KCNN2: variants seen among roughly 807,000 people sequenced by gnomAD.
The protein encoded by KCNN2 is small conductance calcium-activated potassium channel protein 2.
In KCNN2, 24 loss-of-function variants were observed where a neutral mutation model predicts 55.5. The ratio of observed to expected loss-of-function variants is 0.43; its 90% CI spans 0.31 to 0.61. The LOEUF (loss-of-function observed/expected upper bound fraction) is 0.61. Ranked by LOEUF, KCNN2 falls within the 20% of genes least tolerant of loss-of-function variation. The probability of loss-of-function intolerance (pLI) is 0.08; values close to 1 mark genes in which losing one functional copy is unlikely to be tolerated. For synonymous variants in KCNN2, 431 were observed against 336.1 expected, an observed-to-expected ratio of 1.28 and a Z score of -3.09; for missense variants, 754 against 853.6, an observed-to-expected ratio of 0.88 and a Z score of 1.45.
intron 2 of KCNN2, among the ~76,000 whole-genome samples, chr5:114,366,732 C>G (rs937013461): frequency 6.6e-6 from 1 of 152,160 alleles, no homozygotes; most frequent in South Asian, 2.1e-4. Flanking sequence ...ATTGATGTCA[C>G]TGCTGTGGGT....
intron 1 of KCNN2, among the ~76,000 whole-genome samples, chr5:114,079,868 A>T (rs2112538681): frequency 6.6e-6 from 1 of 151,392 alleles, no homozygotes; most frequent in Non-Finnish European, 1.5e-5. Flanking sequence ...AGAGAGAGAG[A>T]CAGAGAGACA....
At chr5:114,112,409 A>G (rs549142679) in intron 1 of KCNN2, among the ~76,000 whole-genome samples, 2 of 152,314 alleles carry the variant, frequency 1.3e-5, no homozygotes, top group East Asian at 1.9e-4. Context: ...GCAAACCAAC[A>G]TGGTGCATAT....
chr5:114,097,646 A>G (rs1046722289), intron 1 of KCNN2, among the ~76,000 whole-genome samples: 1 of 152,084 alleles, frequency 6.6e-6, no homozygotes, highest in African/African-American at 2.4e-5. Flanking sequence ...TTTTGCTCTT[A>G]TTTTCTTCAG....
At chr5:114,431,887 C>T (rs905056211) in intron 3 of KCNN2, among the ~76,000 whole-genome samples, 1 of 152,068 alleles carries the variant, frequency 6.6e-6, no homozygotes, top group South Asian at 2.1e-4. Flanking sequence ...TTGAGATTTT[C>T]CAGTTATCTT....
At chr5:114,400,240 A>G (rs1199833611) in intron 2 of KCNN2, among the ~76,000 whole-genome samples, 1 of 152,112 alleles carries the variant, frequency 6.6e-6, no homozygotes, top group African/African-American at 2.4e-5. Flanking sequence ...ACTTTTTCAC[A>G]TGGGCATTTA....
At chr5:114,432,946 C>G (rs921957355) in intron 3 of KCNN2, among the ~76,000 whole-genome samples, 4 of 152,202 alleles carry the variant, frequency 2.6e-5, no homozygotes, top group Non-Finnish European at 5.9e-5. Context: ...CTGCAGCCCG[C>G]CATGCCTGAA....
chr5:114,422,488 A>G (rs1759499749), intron 3 of KCNN2, among the ~76,000 whole-genome samples: 1 of 152,164 alleles, frequency 6.6e-6, no homozygotes, highest in Non-Finnish European at 1.5e-5. Flanking sequence ...GAACTGTGAG[A>G]AATAAATGTC....
intron 4 of KCNN2, among the ~76,000 whole-genome samples, chr5:114,464,367 A>G (rs55795931): frequency 0.02 from 2,997 of 152,326 alleles, 47 homozygotes; most frequent in Non-Finnish European, 0.031. Context: ...TTCTGTCTAC[A>G]TGAGGATGTG....
chr5:114,285,776 A>G (rs1755732742), intron 2 of KCNN2, among the ~76,000 whole-genome samples: 1 of 152,190 alleles, frequency 6.6e-6, no homozygotes, highest in Non-Finnish European at 1.5e-5. Flanking sequence ...GCTGAAATGG[A>G]TCTAAAAATT....
intron 2 of KCNN2, among the ~76,000 whole-genome samples, chr5:114,371,231 A>G (rs1473990947): frequency 6.6e-6 from 1 of 152,194 alleles, no homozygotes; most frequent in East Asian, 1.9e-4. Flanking sequence ...AATTATGCTG[A>G]TTGTATATGA....
intron 2 of KCNN2, among the ~76,000 whole-genome samples, chr5:114,248,218 A>G (rs1343710199): frequency 6.6e-6 from 1 of 152,218 alleles, no homozygotes; most frequent in African/African-American, 2.4e-5. Flanking sequence ...TGATTCAAAT[A>G]CGCATTATTT....
At chr5:114,254,879 C>A (rs1421946487) in intron 2 of KCNN2, among the ~76,000 whole-genome samples, 1 of 152,064 alleles carries the variant, frequency 6.6e-6, no homozygotes, top group Non-Finnish European at 1.5e-5. Context: ...CTCTAGAAAA[C>A]CTGTACATAA....
chr5:114,074,183 A>T (rs753211549), intron 1 of KCNN2, among the ~76,000 whole-genome samples: 10 of 152,158 alleles, frequency 6.6e-5, no homozygotes, highest in Non-Finnish European at 1.5e-5. Context: ...CTGGGCATCT[A>T]TGTTGATGGG....
At chr5:114,324,149 C>T (rs967677059) in intron 2 of KCNN2, among the ~76,000 whole-genome samples, 1 of 152,014 alleles carries the variant, frequency 6.6e-6, no homozygotes, top group Non-Finnish European at 1.5e-5. Flanking sequence ...TAAAGAATAA[C>T]TTTTATTAGG....
At chr5:114,058,839 G>A (rs1478704290) in intron 1 of KCNN2, among the ~76,000 whole-genome samples, 1 of 152,098 alleles carries the variant, frequency 6.6e-6, no homozygotes, top group Non-Finnish European at 1.5e-5. Context: ...CTGGACTATC[G>A]GAGGGGCATT....
intron 3 of KCNN2, among the ~76,000 whole-genome samples, chr5:114,458,585 A>G (rs1473153351): frequency 6.6e-6 from 1 of 152,250 alleles, no homozygotes; most frequent in Admixed American, 6.5e-5. Flanking sequence ...ATCTGTGACT[A>G]TACAACAATG....
chr5:114,416,097 A>C (rs1456035709), intron 3 of KCNN2, among the ~76,000 whole-genome samples: 1 of 152,192 alleles, frequency 6.6e-6, no homozygotes, highest in Non-Finnish European at 1.5e-5. Context: ...AAGAGCAAAA[A>C]AAGACTGTTT....
chr5:114,151,236 G>C (rs1035588735), intron 1 of KCNN2, among the ~76,000 whole-genome samples: 67 of 152,188 alleles, frequency 4.4e-4, no homozygotes, highest in African/African-American at 1.6e-3. Flanking sequence ...AAATCACAGA[G>C]CTTAAGGGAT....
At chr5:114,431,291 C>CT (rs1477424021) in intron 3 of KCNN2, among the ~76,000 whole-genome samples, 3 of 151,174 alleles carry the variant, frequency 2.0e-5, no homozygotes, top group Admixed American at 6.6e-5. Flanking sequence ...TCTTTAGTTA[C>CT]TTTTTTTTTC....
Sources: gnomAD v4.1 joint callset for allele counts (sites outside exome capture counted in the v4.1 genomes callset) on GRCh38, gnomAD v4.1.1 for gene constraint, MANE v1.5 for transcripts, NCBI Gene and HGNC (gene_info 2026-07-23, HGNC 2026-07-21) for gene names.